The following ACP7 variants were observed in gnomAD, a reference collection of about 807,000 sequenced individuals.
ACP7 encodes acid phosphatase type 7.
In ACP7, 58 loss-of-function variants were observed where a neutral mutation model predicts 60.6. The observed-to-expected ratio is 0.96, with a 90% CI of 0.77 to 1.19. The LOEUF is 1.19. Among genes scored for constraint, ACP7 ranks in the 50% most tolerant of loss-of-function variants. The pLI, the probability that ACP7 is intolerant of heterozygous loss-of-function variation, is 0.00. For synonymous variants in ACP7, 237 were observed against 232.6 expected (o/e 1.02, Z -0.17); for missense variants, 574 against 596.2 (o/e 0.96, Z 0.39).
chr19:39,085,412 C>A (rs755303503), intron 2 of ACP7, 22 bp downstream of exon 2: 3 of 1,597,130 alleles, frequency 1.9e-6, no homozygotes. Flanking sequence ...TGACTCATTT[C>A]TATGCCTCTA....
chr19:39,101,587 G>A, intron 11 of ACP7, 50 bp downstream of exon 11: 1 of 1,565,738 alleles, frequency 6.4e-7, no homozygotes, highest in South Asian at 1.1e-5. Flanking sequence ...TCCTATCTAT[G>A]GAGGGCTAAC....
chr19:39,085,783 C>T (rs548216160), intron 2 of ACP7, among the ~76,000 whole-genome samples: 2 of 152,308 alleles, frequency 1.3e-5, no homozygotes, highest in African/African-American at 4.8e-5. Flanking sequence ...CCCTCTTCTC[C>T]TCTTCCCCAC....
At chr19:39,098,700 A>G in intron 3 of ACP7, 42 bp downstream of exon 3, 1 of 1,561,264 alleles carries the variant, frequency 6.4e-7, no homozygotes, top group Non-Finnish European at 8.7e-7. Context: ...AGGAGTGGGA[A>G]GAGGAGTGGG....
chr19:39,096,670 C>T (rs2073269329), intron 2 of ACP7, among the ~76,000 whole-genome samples: 1 of 152,172 alleles, frequency 6.6e-6, no homozygotes. Context: ...TATATTAGTC[C>T]ATTTTCATGC....
intron 3 of ACP7, 47 bp downstream of exon 3, chr19:39,098,705 A>C: frequency 6.5e-7 from 1 of 1,548,686 alleles, no homozygotes; most frequent in Non-Finnish European, 8.8e-7. Flanking sequence ...TGGGAAGAGG[A>C]GTGGGATGCA....
At chr19:39,084,240 G>C (rs2073114403), upstream of ACP7, 1 of 152,354 alleles carries the variant, frequency 6.6e-6, no homozygotes, top group Non-Finnish European at 1.5e-5. Context: ...GTGGGACCCG[G>C]GGCCCTGGCT....
In ACP7 at chr19:39,100,859, CTGGG is replaced by C. The variant is rs1375972859; in HGVS notation, c.807+10_807+13del. On this transcript the variant is annotated splice_region_variant and intron_variant, in intron 7 of 12. Coordinates refer to ENST00000331256, the MANE Select transcript of ACP7 (RefSeq NM_001004318.3). ...GGCTGGAGAGCGACCTCCAGGTAAC[CTGGG>C]TGGAGGCCCCTATAGTCCCCTGGCC... The C allele has an allele frequency of 6.2e-7, 1 of 1,613,098 alleles. No individual in the cohort carries two copies. The highest frequency in any genetic ancestry group is 1.1e-5 in the South Asian group (1 of 91,076).
chr19:39,091,785 C>A (rs952716412), intron 2 of ACP7, among the ~76,000 whole-genome samples: 1 of 151,870 alleles, frequency 6.6e-6, no homozygotes, highest in Non-Finnish European at 1.5e-5. Flanking sequence ...GTGGTGTGTG[C>A]CTGTAATCCC....
rs2073128419 is a variant in ACP7, at chr19:39,085,310, T to C, written c.41T>C (p.Leu14Pro). 6.2e-7 allele frequency: 1 copy of C among 1,613,768 alleles called. No homozygotes were observed. The change falls in exon 2 of 13, where the codon CTC (leucine) becomes CCC (proline). Residue 14 changes from leucine to proline, a missense_variant. Coordinates refer to ENST00000331256, the MANE Select transcript of ACP7 (RefSeq NM_001004318.3). ...LPGYWSCYCLLLLFSLGVQGS... is the reference protein window; with the variant it reads ...LPGYWSCYCLPLLFSLGVQGS... ...GGCTACTGGTCCTGTTACTGTCTAC[T>C]CCTGCTATTCTCCTTGGGAGTCCAG...
At chr19:39,087,695 A>G (rs930563270) in intron 2 of ACP7, among the ~76,000 whole-genome samples, 1 of 146,654 alleles carries the variant, frequency 6.8e-6, no homozygotes, top group Non-Finnish European at 1.5e-5. Context: ...GTGCAATGGC[A>G]TGATCTTGGC....
chr19:39,090,613 A>G (rs2073193200), intron 2 of ACP7, among the ~76,000 whole-genome samples: 1 of 151,644 alleles, frequency 6.6e-6, no homozygotes. Flanking sequence ...CCTCTTGAGT[A>G]GCTGGGACTA....
Position 39,085,231 on chromosome 19 carries a change from C to G in ACP7, c.-39C>G. ...TGTGGGGAGCTGATCTCCTCAGTCC[C>G]CCTGCTTTTCCCCGGTCTGCCATCA... On this transcript the variant is annotated 5_prime_UTR_variant, in exon 2 of 13. Coordinates refer to ENST00000331256, the MANE Select transcript of ACP7 (RefSeq NM_001004318.3). The G allele has an allele frequency of 6.3e-7, 1 of 1,597,788 alleles. No individual in the cohort carries two copies. The highest frequency in any genetic ancestry group is 1.7e-4 in the Middle Eastern group (1 of 5,948).
Position 39,087,007 on chromosome 19 carries a change from T to C in ACP7, c.121+1617T>C, listed in dbSNP as rs189491602. Among the ~76,000 whole-genome samples the C allele has an allele frequency of 3.0e-4, 45 of 152,150 alleles. No individual in the cohort carries two copies. In the East Asian group the frequency reaches 7.5e-3, roughly 25 times the overall value. ...TTGACTTGCATCTTTTAAAAATCTTTTATTTATTTATTTATTTTTGAGACA... is the reference window on the plus strand; with the variant it reads ...TTGACTTGCATCTTTTAAAAATCTTCTATTTATTTATTTATTTTTGAGACA... On this transcript the variant is annotated intron_variant, in intron 2 of 12. Coordinates refer to ENST00000331256, the MANE Select transcript of ACP7 (RefSeq NM_001004318.3).
chr19:39,088,330 G>T (rs187251574), intron 2 of ACP7, among the ~76,000 whole-genome samples: 3 of 152,282 alleles, frequency 2.0e-5, no homozygotes, highest in African/African-American at 7.2e-5. Flanking sequence ...GCAGAGAGAG[G>T]GTTTCTTAAA....
rs186462503 is a variant in ACP7 at position 39,088,915 on chromosome 19, T to G, written c.121+3525T>G. Reference sequence around the variant, plus strand: ...CGCGCATCACCATGCCTGGCTGATTTTTGTATTTGTATTTTTGCATTTTTT... The same window carrying G: ...CGCGCATCACCATGCCTGGCTGATTGTTGTATTTGTATTTTTGCATTTTTT... On this transcript the variant is annotated intron_variant, in intron 2 of 12. Coordinates refer to ENST00000331256, the MANE Select transcript of ACP7 (RefSeq NM_001004318.3). Among the ~76,000 whole-genome samples, 27 of 150,346 alleles carry G rather than the reference T, an allele frequency of 1.8e-4. 1 individual carries two copies. Among genetic ancestry groups the G allele is most frequent in the African/African-American group, 6.3e-4 (26 of 41,198 alleles).
intron 11 of ACP7, among the ~76,000 whole-genome samples, chr19:39,106,271 T>G (rs992338685): frequency 1.3e-5 from 2 of 152,168 alleles, no homozygotes; most frequent in Admixed American, 1.3e-4. Flanking sequence ...TCAAATTGCT[T>G]TTTCTCCTTC....
intron 12 of ACP7, among the ~76,000 whole-genome samples, chr19:39,108,291 C>G (rs945474036): frequency 7.9e-5 from 12 of 151,834 alleles, no homozygotes; most frequent in South Asian, 2.1e-4. Flanking sequence ...AGGCGCCCAC[C>G]ACCACACCCG....
intron 2 of ACP7, among the ~76,000 whole-genome samples, chr19:39,091,772 G>A (rs574442755): frequency 2.2e-4 from 34 of 152,020 alleles, no homozygotes; most frequent in South Asian, 4.2e-4. Context: ...TTAGCCAGGC[G>A]TGGTGGTGTG....
chr19:39,110,805 TTTTA>T lies in ACP7; in HGVS notation c.*694_*697del, dbSNP rs2073462500. On this transcript the variant is annotated 3_prime_UTR_variant, in exon 13 of 13. Coordinates refer to ENST00000331256, the MANE Select transcript of ACP7 (RefSeq NM_001004318.3). The stretch of plus-strand genomic sequence containing the variant: ...CTCTTTCCTTCCTTTCTTTCCCTTC[TTTTA>T]TTTATTGAATCATAATTTATTGAGC... 6.6e-6 allele frequency: 1 copy of T among 152,296 alleles called. No individual in the cohort carries two copies. 9.4% of individuals were successfully genotyped at this position (152,296 alleles called of 1,614,324 possible).
Sources: gnomAD v4.1 joint callset for allele counts (sites outside exome capture counted in the v4.1 genomes callset) on GRCh38, gnomAD v4.1.1 for gene constraint, MANE v1.5 for transcripts, NCBI Gene and HGNC (gene_info 2026-07-23, HGNC 2026-07-21) for gene names.